TANGO6: variants seen among roughly 807,000 people sequenced by gnomAD.
The protein encoded by TANGO6 is transport and golgi organization 6 homolog.
A neutral mutation model predicts 114.2 loss-of-function variants in TANGO6; 90 were observed. That is an observed-to-expected ratio of 0.79 (90% CI 0.66 to 0.94). The LOEUF (loss-of-function observed/expected upper bound fraction) is 0.94. TANGO6 is among the 40% of genes least tolerant of loss of function. TANGO6 has a pLI of 0.00. For missense variants in TANGO6, 1,274 were observed against 1,315.3 expected (o/e 0.97, Z 0.49); for synonymous variants, 477 against 509.8 (o/e 0.94, Z 0.87).
At chr16:68,868,344 T>A (rs535915116) in intron 4 of TANGO6, among the ~76,000 whole-genome samples, 28 of 152,070 alleles carry the variant, frequency 1.8e-4, no homozygotes, top group African/African-American at 6.5e-4. Flanking sequence ...AAATTAGACA[T>A]GTACATCATT....
intron 17 of TANGO6, among the ~76,000 whole-genome samples, chr16:69,046,872 G>T (rs1462823729): frequency 3.3e-5 from 5 of 152,022 alleles, no homozygotes; most frequent in East Asian, 1.9e-4. Flanking sequence ...AAAAGAAAAA[G>T]ATTTAAAATA....
At position 68,893,620 on chromosome 16, in the gene TANGO6, C is replaced by T. The variant is rs1700101759; in HGVS notation, c.1378-6814C>T. Among the ~76,000 whole-genome samples the T allele has an allele frequency of 2.0e-5, 3 of 151,784 alleles. No homozygotes were observed. The South Asian group carries it at 6.3e-4, about 32-fold the overall frequency. On this transcript the variant is annotated intron_variant, in intron 7 of 17. Coordinates refer to ENST00000261778, the MANE Select transcript of TANGO6 (RefSeq NM_024562.2). ...GCGTGGTGGCACGCACCTGTAATCCCACCTACTTGGGAGGCTGAGTCACGA... is the reference window on the plus strand; with the variant it reads ...GCGTGGTGGCACGCACCTGTAATCCTACCTACTTGGGAGGCTGAGTCACGA...
At chr16:69,030,687 G>A (rs779334331) in intron 16 of TANGO6, among the ~76,000 whole-genome samples, 1 of 151,996 alleles carries the variant, frequency 6.6e-6, no homozygotes, top group Non-Finnish European at 1.5e-5. Flanking sequence ...TAGGTTGTTT[G>A]CCTACCATGG....
At chr16:68,998,032 C>T (rs1209501409) in intron 15 of TANGO6, among the ~76,000 whole-genome samples, 9 of 152,112 alleles carry the variant, frequency 5.9e-5, no homozygotes, top group Non-Finnish European at 1.2e-4. Context: ...CCTAAGTGTT[C>T]AATTTAAGAA....
chr16:68,864,998 C>G (rs558609182), intron 3 of TANGO6, among the ~76,000 whole-genome samples: 41 of 152,074 alleles, frequency 2.7e-4, no homozygotes, highest in African/African-American at 4.1e-4. Context: ...TGCAGTGGTG[C>G]CGGGCGTGGT....
intron 17 of TANGO6, among the ~76,000 whole-genome samples, chr16:69,047,263 G>A (rs1959877077): frequency 6.6e-6 from 1 of 151,848 alleles, no homozygotes; most frequent in Non-Finnish European, 1.5e-5. Context: ...GGGAGGCCAA[G>A]GTGGACAGAT....
At chr16:68,943,769 C>G (rs1388179174) in intron 14 of TANGO6, among the ~76,000 whole-genome samples, 1 of 152,010 alleles carries the variant, frequency 6.6e-6, no homozygotes, top group East Asian at 1.9e-4. Context: ...GAAAGGGGGT[C>G]TTTTATATGA....
chr16:69,057,490 C>A (rs753493035), intron 17 of TANGO6, among the ~76,000 whole-genome samples: 1 of 152,072 alleles, frequency 6.6e-6, no homozygotes, highest in Non-Finnish European at 1.5e-5. Context: ...GAGACTAAGA[C>A]GAAGAAGCTA....
At chr16:68,935,713 C>T (rs559918868) in intron 14 of TANGO6, among the ~76,000 whole-genome samples, 34 of 152,266 alleles carry the variant, frequency 2.2e-4, no homozygotes, top group Non-Finnish European at 4.0e-4. Context: ...CTTACACAGA[C>T]AAAGATAAAT....
At chr16:69,021,827 T>C (rs1379378237) in intron 15 of TANGO6, among the ~76,000 whole-genome samples, 1 of 152,122 alleles carries the variant, frequency 6.6e-6, no homozygotes. Context: ...TGTGAAAGTT[T>C]ATTAAGCTAT....
intron 17 of TANGO6, among the ~76,000 whole-genome samples, chr16:69,067,383 G>A (rs925623313): frequency 6.6e-6 from 1 of 151,724 alleles, no homozygotes; most frequent in Non-Finnish European, 1.5e-5. Context: ...GTTGGCGGGT[G>A]CCTGTAATCC....
At chr16:68,911,401 A>G (rs1229890459) in intron 11 of TANGO6, among the ~76,000 whole-genome samples, 1 of 151,572 alleles carries the variant, frequency 6.6e-6, no homozygotes, top group Non-Finnish European at 1.5e-5. Flanking sequence ...ATTCTTAGTG[A>G]CAATTTATAG....
intron 17 of TANGO6, among the ~76,000 whole-genome samples, chr16:69,041,462 G>A (rs1020292770): frequency 2.7e-5 from 4 of 150,362 alleles, no homozygotes; most frequent in Non-Finnish European, 4.4e-5. Context: ...AAAAAAAAAA[G>A]TGATTGTTTT....
In TANGO6 at chr16:68,921,746, A is replaced by T. The variant is rs1337025910; in HGVS notation, c.2127+2527A>T. Among the ~76,000 whole-genome samples the T allele has an allele frequency of 2.5e-4, 38 of 150,348 alleles. No homozygotes were observed. The Admixed American group carries it at 2.6e-3, about 10-fold the overall frequency. On this transcript the variant is annotated intron_variant, in intron 12 of 17. Transcript: ENST00000261778. ...TGTTGGAGGGCTGGCTGTGCACATTAGTTGTGTTCTAAGACAGACTCACCT... is the reference window on the plus strand; with the variant it reads ...TGTTGGAGGGCTGGCTGTGCACATTTGTTGTGTTCTAAGACAGACTCACCT...
chr16:68,851,858 C>T lies in TANGO6; in HGVS notation c.95-8026C>T, dbSNP rs115779790. 5.7e-3 allele frequency among the ~76,000 whole-genome samples: 861 copies of T among 152,146 alleles called. 12 individuals are homozygous for T. The highest frequency in any genetic ancestry group is 0.02 in the African/African-American group (818 of 41,488). ...TAAAACTTTTGGATTTTAGCCAGTT[C>T]GATAGATGGAAAGTGATATTTCAGT... On this transcript the variant is annotated intron_variant, in intron 1 of 17. Transcript: ENST00000261778.
intron 7 of TANGO6, among the ~76,000 whole-genome samples, chr16:68,886,059 G>A (rs886203321): frequency 3.9e-5 from 6 of 152,060 alleles, no homozygotes; most frequent in African/African-American, 1.4e-4. Context: ...TACCTGTCTT[G>A]TCTTTTTTAT....
At chr16:68,858,094 C>A (rs1249925194) in intron 1 of TANGO6, among the ~76,000 whole-genome samples, 4 of 148,396 alleles carry the variant, frequency 2.7e-5, no homozygotes, top group Admixed American at 2.7e-4. Context: ...AACAGAGTCT[C>A]ACTCTGTCAC....
At chr16:68,986,898 C>G (rs1405001915) in intron 15 of TANGO6, among the ~76,000 whole-genome samples, 2 of 152,018 alleles carry the variant, frequency 1.3e-5, no homozygotes, top group African/African-American at 4.8e-5. Flanking sequence ...AGTGAGACCC[C>G]TATAATCTGT....
chr16:68,863,625 T>C (rs746529489), intron 3 of TANGO6, among the ~76,000 whole-genome samples: 32 of 152,140 alleles, frequency 2.1e-4, no homozygotes, highest in Non-Finnish European at 4.3e-4. Flanking sequence ...AAAAGACTTA[T>C]GGCAATTTTA....
Sources: gnomAD v4.1 joint callset for allele counts (sites outside exome capture counted in the v4.1 genomes callset) on GRCh38, gnomAD v4.1.1 for gene constraint, MANE v1.5 for transcripts, NCBI Gene and HGNC (gene_info 2026-07-23, HGNC 2026-07-21) for gene names.